The following PARD3 variants were observed in gnomAD, a reference collection of about 807,000 sequenced individuals.
The protein encoded by PARD3 is partitioning defective 3 homolog.
PARD3 carries 75 observed loss-of-function variants against 155.4 expected under a neutral mutation model. The ratio of observed to expected loss-of-function variants is 0.48; its 90% CI spans 0.40 to 0.58. PARD3 has a LOEUF of 0.58. Ranked by LOEUF, PARD3 falls within the 20% of genes least tolerant of loss-of-function variation. The pLI is 0.00. For synonymous variants in PARD3, 576 were observed against 610.5 expected, an observed-to-expected ratio of 0.94 and a Z score of 0.83; for missense variants, 1,642 against 1,721.7, an observed-to-expected ratio of 0.95 and a Z score of 0.82.
At chr10:34,463,597 T>G (rs2077817266) in intron 4 of PARD3, among the ~76,000 whole-genome samples, 1 of 152,178 alleles carries the variant, frequency 6.6e-6, no homozygotes, top group Non-Finnish European at 1.5e-5. Flanking sequence ...AATGATAAAT[T>G]TGTGCAATCT....
At chr10:34,378,499 C>T (rs1402559880) in intron 9 of PARD3, among the ~76,000 whole-genome samples, 1 of 152,068 alleles carries the variant, frequency 6.6e-6, no homozygotes, top group African/African-American at 2.4e-5. Flanking sequence ...TAATGACATC[C>T]AAATTTTAAG....
chr10:34,424,636 T>C (rs752914917), intron 5 of PARD3, among the ~76,000 whole-genome samples: 46 of 152,098 alleles, frequency 3.0e-4, no homozygotes, highest in Non-Finnish European at 6.5e-4. Context: ...TTTCTCAGCC[T>C]CAGCAGAGGC....
At chr10:34,694,470 C>CTT (rs34628015) in intron 2 of PARD3, among the ~76,000 whole-genome samples, 106 of 101,882 alleles carry the variant, frequency 1.0e-3, no homozygotes, top group South Asian at 3.7e-3. Context: ...AAAACTTCTG[C>CTT]TTTTTTTTTT....
intron 14 of PARD3, among the ~76,000 whole-genome samples, chr10:34,354,675 T>C (rs1347933369): frequency 6.6e-6 from 1 of 151,954 alleles, no homozygotes; most frequent in Non-Finnish European, 1.5e-5. Flanking sequence ...TAGACTCAAG[T>C]GGAAGACCTA....
intron 5 of PARD3, among the ~76,000 whole-genome samples, chr10:34,420,005 G>A (rs1484697583): frequency 6.6e-6 from 1 of 152,232 alleles, no homozygotes; most frequent in East Asian, 1.9e-4. Flanking sequence ...AGGCTGGAGT[G>A]CAATGGCACA....
intron 22 of PARD3, among the ~76,000 whole-genome samples, chr10:34,269,288 C>T (rs1955497148): frequency 6.6e-6 from 1 of 152,112 alleles, no homozygotes; most frequent in African/African-American, 2.4e-5. Context: ...TGTCATTCCC[C>T]ATCTATTTAA....
At chr10:34,608,139 C>T (rs569195320) in intron 2 of PARD3, among the ~76,000 whole-genome samples, 2 of 152,270 alleles carry the variant, frequency 1.3e-5, no homozygotes, top group Admixed American at 6.5e-5. Flanking sequence ...CTCAATGCTG[C>T]ACGGTCCCAG....
chr10:34,261,417 G>A (rs1380599430), intron 22 of PARD3, among the ~76,000 whole-genome samples: 2 of 152,082 alleles, frequency 1.3e-5, no homozygotes, highest in East Asian at 1.9e-4. Flanking sequence ...GGCTGGGCAC[G>A]GTGGCTCATG....
intron 22 of PARD3, among the ~76,000 whole-genome samples, chr10:34,260,482 G>A (rs528561266): frequency 2.0e-5 from 3 of 152,158 alleles, no homozygotes; most frequent in Non-Finnish European, 4.4e-5. Flanking sequence ...GAGGCAAGTG[G>A]CCCAGGCACA....
At chr10:34,635,576 G>A (rs371459130) in intron 2 of PARD3, among the ~76,000 whole-genome samples, 34 of 152,338 alleles carry the variant, frequency 2.2e-4, no homozygotes, top group East Asian at 7.7e-4. Context: ...AAATTTATAT[G>A]CCTATGACTC....
intron 1 of PARD3, among the ~76,000 whole-genome samples, chr10:34,766,295 G>A (rs993034195): frequency 6.6e-6 from 1 of 152,136 alleles, no homozygotes; most frequent in South Asian, 2.1e-4. Context: ...ACACTAGCAG[G>A]TCAGAAGTGG....
At chr10:34,511,282 T>A (rs2081381909) in intron 3 of PARD3, among the ~76,000 whole-genome samples, 1 of 152,140 alleles carries the variant, frequency 6.6e-6, no homozygotes, top group Non-Finnish European at 1.5e-5. Flanking sequence ...ATAGGAGATG[T>A]TGTGTTTTTT....
intron 2 of PARD3, among the ~76,000 whole-genome samples, chr10:34,677,725 G>A (rs2093734873): frequency 6.6e-6 from 1 of 152,094 alleles, no homozygotes; most frequent in South Asian, 2.1e-4. Context: ...TCTTCTCCGG[G>A]CAGGGGGACA....
intron 20 of PARD3, among the ~76,000 whole-genome samples, chr10:34,310,088 G>C (rs1277652971): frequency 2.0e-5 from 3 of 152,038 alleles, no homozygotes; most frequent in African/African-American, 7.2e-5. Flanking sequence ...AGATTGTCAG[G>C]ACAAAACAAT....
At chr10:34,534,712 G>A (rs1462567837) in intron 2 of PARD3, among the ~76,000 whole-genome samples, 4 of 151,984 alleles carry the variant, frequency 2.6e-5, no homozygotes, top group African/African-American at 4.8e-5. Context: ...GCTATCATTA[G>A]TATCATCCTA....
chr10:34,778,509 C>CA (rs1194824778), intron 1 of PARD3, among the ~76,000 whole-genome samples: 9 of 152,172 alleles, frequency 5.9e-5, no homozygotes, highest in Non-Finnish European at 1.5e-5. Flanking sequence ...CAGCAACAAT[C>CA]AGGCCAACAG....
intron 20 of PARD3, among the ~76,000 whole-genome samples, chr10:34,308,792 A>G (rs527428027): frequency 6.6e-6 from 1 of 152,300 alleles, no homozygotes; most frequent in South Asian, 2.1e-4. Flanking sequence ...TCCTGAGAAT[A>G]TCAAAATTCT....
intron 2 of PARD3, among the ~76,000 whole-genome samples, chr10:34,676,400 T>C (rs1421143064): frequency 6.6e-6 from 1 of 152,076 alleles, no homozygotes; most frequent in Non-Finnish European, 1.5e-5. Flanking sequence ...CTTCCCACAA[T>C]AAACAAATGA....
intron 14 of PARD3, among the ~76,000 whole-genome samples, chr10:34,354,476 G>T (rs878864987): frequency 2.0e-5 from 3 of 152,134 alleles, no homozygotes; most frequent in Non-Finnish European, 4.4e-5. Flanking sequence ...GGATACACAG[G>T]AAAGTGGTAG....
Sources: gnomAD v4.1 joint callset for allele counts (sites outside exome capture counted in the v4.1 genomes callset) on GRCh38, gnomAD v4.1.1 for gene constraint, MANE v1.5 for transcripts, NCBI Gene and HGNC (gene_info 2026-07-23, HGNC 2026-07-21) for gene names.